ADAMTS19: variants seen among roughly 807,000 people sequenced by gnomAD.
ADAMTS19 encodes the protein A disintegrin and metalloproteinase with thrombospondin motifs 19.
In ADAMTS19, 93 loss-of-function variants were observed where a neutral mutation model predicts 153.3. That is an observed-to-expected ratio of 0.61 (90% CI 0.51 to 0.72). The LOEUF is 0.72. Among genes scored for constraint, ADAMTS19 ranks in the 30% least tolerant of loss-of-function variants. The pLI is 0.00. For missense variants in ADAMTS19, 1,482 were observed against 1,552.1 expected (o/e 0.95, Z 0.76); for synonymous variants, 600 against 556.6 (o/e 1.08, Z -1.10).
chr5:129,502,624 A>G (rs1489781848), intron 2 of ADAMTS19, among the ~76,000 whole-genome samples: 8 of 152,220 alleles, frequency 5.3e-5, no homozygotes, highest in Non-Finnish European at 1.5e-5. Context: ...TTTCCTAAAG[A>G]TACAACTTGG....
chr5:129,608,590 C>T (rs1355518526), intron 8 of ADAMTS19, among the ~76,000 whole-genome samples: 1 of 152,028 alleles, frequency 6.6e-6, no homozygotes, highest in African/African-American at 2.4e-5. Context: ...AGAGGATATG[C>T]TCTAAGAGGA....
intron 7 of ADAMTS19, among the ~76,000 whole-genome samples, chr5:129,578,037 TACATACAC>T (rs1233999834): frequency 4.7e-4 from 47 of 100,500 alleles, no homozygotes; most frequent in African/African-American, 2.0e-3. Flanking sequence ...TTTTCAAACT[TACATACAC>T]ACACACACAC....
chr5:129,461,831 G>T lies in ADAMTS19; in HGVS notation c.747+74G>T. On this transcript the variant is annotated intron_variant, in intron 2 of 22. Transcript: ENST00000274487. The surrounding 1 kb of genome is among the most constrained non-coding windows in gnomAD (Gnocchi z 4.6). ...CCTTGCCCATAGGTCAGGATGATTT[G>T]CATGCACCTTCTCCCCTTTCAGTGT... The T allele has an allele frequency of 6.9e-7, 1 of 1,446,860 alleles. No homozygotes were observed. Among genetic ancestry groups the T allele is most frequent in the Non-Finnish European group, 9.0e-7 (1 of 1,108,092 alleles). The allele number at this position is 1,446,860 out of a possible 1,614,324, so 89.6% of individuals were successfully genotyped here.
At chr5:129,650,343 A>G (rs1224243616) in intron 13 of ADAMTS19, among the ~76,000 whole-genome samples, 1 of 151,562 alleles carries the variant, frequency 6.6e-6, no homozygotes, top group East Asian at 1.9e-4. Flanking sequence ...TTCCAGTTAC[A>G]CTCTTCTCAA....
At chr5:129,683,067 C>T (rs914094954) in intron 17 of ADAMTS19, among the ~76,000 whole-genome samples, 6 of 151,656 alleles carry the variant, frequency 4.0e-5, no homozygotes, top group African/African-American at 1.5e-4. Flanking sequence ...AATTTGGGTA[C>T]ATATGTTTTT....
intron 22 of ADAMTS19, among the ~76,000 whole-genome samples, 195 bp downstream of exon 22, chr5:129,735,304 G>T (rs1489140497): frequency 2.0e-5 from 3 of 151,962 alleles, no homozygotes; most frequent in Admixed American, 1.3e-4. Flanking sequence ...AACTTAAACT[G>T]CTTTGATTCC....
At chr5:129,575,115 G>A (rs918327717) in intron 7 of ADAMTS19, among the ~76,000 whole-genome samples, 1 of 151,862 alleles carries the variant, frequency 6.6e-6, no homozygotes, top group Non-Finnish European at 1.5e-5. Context: ...TAGATTACTT[G>A]AATAAAAATG....
chr5:129,554,550 T>C (rs1356232891), intron 7 of ADAMTS19, among the ~76,000 whole-genome samples: 2 of 152,130 alleles, frequency 1.3e-5, no homozygotes, highest in African/African-American at 4.8e-5. Context: ...ATCACTATAA[T>C]CAGGAAGGAA....
chr5:129,565,612 T>C (rs149278514), intron 7 of ADAMTS19, among the ~76,000 whole-genome samples: 2 of 152,334 alleles, frequency 1.3e-5, no homozygotes, highest in African/African-American at 4.8e-5. Flanking sequence ...CCTATTTATA[T>C]ATTCTTTAAA....
At chr5:129,475,740 T>C (rs1750203634) in intron 2 of ADAMTS19, among the ~76,000 whole-genome samples, 2 of 152,008 alleles carry the variant, frequency 1.3e-5, no homozygotes. Flanking sequence ...GACTCAGGCA[T>C]GAGAATTGCT....
chr5:129,691,052 T>C (rs991857064), intron 18 of ADAMTS19, among the ~76,000 whole-genome samples: 12 of 152,146 alleles, frequency 7.9e-5, no homozygotes, highest in Non-Finnish European at 1.5e-4. Context: ...TAGTTTTATT[T>C]TGAAATATCC....
intron 3 of ADAMTS19, among the ~76,000 whole-genome samples, chr5:129,523,769 C>G (rs965258658): frequency 6.6e-6 from 1 of 151,840 alleles, no homozygotes; most frequent in African/African-American, 2.4e-5. Context: ...CATGAAGGAC[C>G]TCTTCAAGGA....
intron 14 of ADAMTS19, among the ~76,000 whole-genome samples, chr5:129,657,360 AT>A (rs1753590518): frequency 6.6e-6 from 1 of 152,164 alleles, no homozygotes. Context: ...ATATTTTAAA[AT>A]TTCCTCTAAA....
At chr5:129,694,036 G>A (rs912041528) in intron 18 of ADAMTS19, among the ~76,000 whole-genome samples, 1 of 152,132 alleles carries the variant, frequency 6.6e-6, no homozygotes, top group African/African-American at 2.4e-5. Flanking sequence ...TGTGCTTTCA[G>A]AAAGGCTCAT....
At chr5:129,683,105 T>C (rs1229755853) in intron 17 of ADAMTS19, among the ~76,000 whole-genome samples, 1 of 151,982 alleles carries the variant, frequency 6.6e-6, no homozygotes, top group Non-Finnish European at 1.5e-5. Context: ...TTATATAGAT[T>C]GTTTCCATAG....
At chr5:129,663,079 A>G (rs573162073) in intron 15 of ADAMTS19, among the ~76,000 whole-genome samples, 2 of 151,966 alleles carry the variant, frequency 1.3e-5, no homozygotes, top group African/African-American at 4.8e-5. Flanking sequence ...TATTTTTAGT[A>G]GAGACGGGGT....
At chr5:129,636,581 A>G (rs1207826444) in intron 10 of ADAMTS19, among the ~76,000 whole-genome samples, 1 of 152,084 alleles carries the variant, frequency 6.6e-6, no homozygotes, top group East Asian at 1.9e-4. Flanking sequence ...TTCCCTTTCT[A>G]TGCCTATCAC....
intron 2 of ADAMTS19, among the ~76,000 whole-genome samples, chr5:129,479,071 A>G (rs1022634637): frequency 3.3e-5 from 5 of 152,192 alleles, no homozygotes; most frequent in African/African-American, 1.2e-4. Context: ...AGGATGCTGA[A>G]GCTGAGGGAG....
At chr5:129,734,547 C>T (rs1271841279) in intron 21 of ADAMTS19, among the ~76,000 whole-genome samples, 1 of 151,834 alleles carries the variant, frequency 6.6e-6, no homozygotes, top group Admixed American at 6.6e-5. Context: ...TTCTGAACAT[C>T]GATGATTAAA....
Sources: gnomAD v4.1 joint callset for allele counts (sites outside exome capture counted in the v4.1 genomes callset) on GRCh38, gnomAD v4.1.1 for gene constraint, Gnocchi (gnomAD v3.1) non-coding constraint, MANE v1.5 for transcripts, NCBI Gene and HGNC (gene_info 2026-07-23, HGNC 2026-07-21) for gene names.